Variants in SIPA1L2 observed in about 807,000 individuals in gnomAD.
SIPA1L2 encodes the protein signal induced proliferation associated 1 like 2.
A neutral mutation model predicts 163.9 loss-of-function variants in SIPA1L2; 56 were observed. The ratio of observed to expected loss-of-function variants is 0.34; its 90% CI spans 0.28 to 0.43. The LOEUF (loss-of-function observed/expected upper bound fraction) is 0.43. Ranked by LOEUF, SIPA1L2 falls within the 20% of genes least tolerant of loss-of-function variation. The pLI is 1.00. For synonymous variants in SIPA1L2, 877 were observed against 865.7 expected, an observed-to-expected ratio of 1.01 and a Z score of -0.23; for missense variants, 1,974 against 2,193.5, an observed-to-expected ratio of 0.90 and a Z score of 2.00.
At chr1:232,533,192 C>G (rs1370547345) in intron 2 of SIPA1L2, among the ~76,000 whole-genome samples, 3 of 152,166 alleles carry the variant, frequency 2.0e-5, no homozygotes, top group Non-Finnish European at 2.9e-5. Context: ...GGCCCCCAGA[C>G]AGTTTTTAAC....
intron 1 of SIPA1L2, among the ~76,000 whole-genome samples, chr1:232,612,110 C>T (rs564723988): frequency 3.3e-5 from 5 of 152,202 alleles, no homozygotes; most frequent in Non-Finnish European, 7.3e-5. Flanking sequence ...CACATGGTGT[C>T]GAGCTCACGA....
At chr1:232,479,554 C>T in intron 7 of SIPA1L2, 73 bp downstream of exon 7, 1 of 1,142,008 alleles carries the variant, frequency 8.8e-7, no homozygotes, top group Non-Finnish European at 1.3e-6. Flanking sequence ...GTTCTACATG[C>T]ATCAATATCA....
In SIPA1L2 at chr1:232,581,992, T is replaced by C. The variant is rs1264772319; in HGVS notation, c.-318-7770A>G. Among the ~76,000 whole-genome samples the C allele has an allele frequency of 2.0e-5, 3 of 152,218 alleles. No individual in the cohort carries two copies. In the East Asian group the frequency reaches 5.8e-4, roughly 29 times the overall value. The stretch of plus-strand genomic sequence containing the variant: ...TTTTGCTGGAACATTTTTCAGTCTC[T>C]TATGTAACTTCTTGATAGATATGTC... On this transcript the variant is annotated intron_variant, in intron 1 of 22. Transcript: ENST00000674635.
intron 2 of SIPA1L2, among the ~76,000 whole-genome samples, chr1:232,565,606 G>C (rs1447872414): frequency 6.6e-6 from 1 of 152,180 alleles, no homozygotes; most frequent in African/African-American, 2.4e-5. Flanking sequence ...ATAAATGCTA[G>C]CTATTATTAT....
chr1:232,560,186 T>C (rs143469956), intron 2 of SIPA1L2, among the ~76,000 whole-genome samples: 258 of 152,242 alleles, frequency 1.7e-3, no homozygotes, highest in African/African-American at 5.7e-3. Context: ...GAGCTGGTGG[T>C]AGCATGGCAG....
Position 232,439,318 on chromosome 1 carries a change from G to A in SIPA1L2, c.3821C>T (p.Pro1274Leu). 2 of 1,614,212 alleles carry A rather than the reference G, an allele frequency of 1.2e-6. No individual in the cohort carries two copies. Among genetic ancestry groups the A allele is most frequent in the Non-Finnish European group, 1.7e-6 (2 of 1,180,036 alleles). The change falls in exon 15 of 23, where the codon CCT becomes CTT. Residue 1274 changes from proline (P) to leucine (L), a missense_variant. Transcript: ENST00000674635. The part of the protein sequence containing the change: ...DSGIDTAPCM[P>L]ATILGPVHLA... Reference sequence around the variant, plus strand: ...GTGCACAGGGCCGAGGATGGTGGCAGGCATGCAGGGGGCCGTGTCGATGCC... The same window carrying A: ...GTGCACAGGGCCGAGGATGGTGGCAAGCATGCAGGGGGCCGTGTCGATGCC...
Position 232,515,445 on chromosome 1 carries a change from G to A in SIPA1L2, c.-106C>T, listed in dbSNP as rs924505335. The A allele has an allele frequency of 1.6e-6, 2 of 1,239,864 alleles. No homozygotes were observed. The highest frequency in any genetic ancestry group is 2.2e-6 in the Non-Finnish European group (2 of 923,718). 76.8% of individuals were successfully genotyped at this position (1,239,864 alleles called of 1,614,324 possible). ...ACTTGCAGATATAAAGGCTTTGTCT[G>A]TAGTTGTATTTTTTCTTTTCTTAGC... On this transcript the variant is annotated 5_prime_UTR_variant, in exon 3 of 23. Transcript: ENST00000674635.
intron 1 of SIPA1L2, among the ~76,000 whole-genome samples, chr1:232,594,320 C>G (rs1661126909): frequency 6.6e-6 from 1 of 152,104 alleles, no homozygotes; most frequent in African/African-American, 2.4e-5. Flanking sequence ...GGGGAAAAAG[C>G]AAGGAATAAA....
intron 1 of SIPA1L2, among the ~76,000 whole-genome samples, 179 bp downstream of exon 1, chr1:232,629,690 A>G (rs1480450482): frequency 1.3e-5 from 2 of 151,892 alleles, no homozygotes; most frequent in Non-Finnish European, 2.9e-5. Flanking sequence ...ATCTGCGTCT[A>G]CAAGCCGGAC....
At chr1:232,501,143 T>C (rs58276029) in intron 3 of SIPA1L2, among the ~76,000 whole-genome samples, 48,589 of 146,018 alleles carry the variant, frequency 0.33, 9,332 homozygotes, top group East Asian at 0.7. Context: ...CTGCAAGCTC[T>C]GCCTCCCAGG....
intron 1 of SIPA1L2, among the ~76,000 whole-genome samples, chr1:232,623,834 C>T (rs1357597876): frequency 2.6e-5 from 4 of 151,742 alleles, no homozygotes; most frequent in African/African-American, 7.3e-5. Context: ...GTTTGTCTTC[C>T]GCTTGCCTCA....
chr1:232,501,426 G>A (rs989914536), intron 3 of SIPA1L2, among the ~76,000 whole-genome samples: 2 of 152,104 alleles, frequency 1.3e-5, no homozygotes, highest in African/African-American at 4.8e-5. Flanking sequence ...TTGTTAGGCT[G>A]GTCAGGCAGG....
intron 2 of SIPA1L2, among the ~76,000 whole-genome samples, chr1:232,546,989 G>A (rs1658067767): frequency 6.6e-6 from 1 of 152,166 alleles, no homozygotes; most frequent in Non-Finnish European, 1.5e-5. Flanking sequence ...AGAGCACTGG[G>A]AAATTGTAGA....
At chr1:232,493,705 A>T (rs748847064) in intron 3 of SIPA1L2, 45 bp from the exon 4 acceptor site, 9 of 1,610,724 alleles carry the variant, frequency 5.6e-6, no homozygotes, top group South Asian at 2.2e-5. Context: ...TGAAAAAGGA[A>T]CAAAGAGCAG....
At chr1:232,455,287 T>C (rs1663827584) in intron 10 of SIPA1L2, among the ~76,000 whole-genome samples, 1 of 152,160 alleles carries the variant, frequency 6.6e-6, no homozygotes, top group Non-Finnish European at 1.5e-5. Flanking sequence ...AACTCGAATA[T>C]AAAAAGCTCA....
intron 9 of SIPA1L2, among the ~76,000 whole-genome samples, chr1:232,463,543 T>C (rs187239016): frequency 9.8e-5 from 15 of 152,324 alleles, no homozygotes; most frequent in African/African-American, 2.9e-4. Context: ...TCTAGGAAAA[T>C]AGGATGGAGT....
chr1:232,593,359 C>T (rs1343014867), intron 1 of SIPA1L2, among the ~76,000 whole-genome samples: 1 of 152,132 alleles, frequency 6.6e-6, no homozygotes, highest in African/African-American at 2.4e-5. Context: ...GAGGAACCCG[C>T]TCAGCACGCA....
At chr1:232,414,948 A>T (rs1289331503) in intron 19 of SIPA1L2, among the ~76,000 whole-genome samples, 1 of 152,158 alleles carries the variant, frequency 6.6e-6, no homozygotes, top group Non-Finnish European at 1.5e-5. Context: ...TGGCTCTTAG[A>T]GATTGGCTAG....
intron 1 of SIPA1L2, among the ~76,000 whole-genome samples, chr1:232,610,451 A>G (rs1253575595): frequency 2.0e-5 from 3 of 151,990 alleles, no homozygotes; most frequent in Non-Finnish European, 4.4e-5. Flanking sequence ...AGACACAAAA[A>G]CTCGGTGCTA....
Sources: gnomAD v4.1 joint callset for allele counts (sites outside exome capture counted in the v4.1 genomes callset) on GRCh38, gnomAD v4.1.1 for gene constraint, MANE v1.5 for transcripts, NCBI Gene and HGNC (gene_info 2026-07-23, HGNC 2026-07-21) for gene names.